Variants in AFG2A observed in about 807,000 individuals in gnomAD.
AFG2A encodes AAA ATPase AFG2A, also known as ATPase family gene 2 protein homolog A.
the AFG2A span, chr4:123,318,250 T>G: frequency 6.6e-6 from 1 of 152,174 alleles, no homozygotes; most frequent in Non-Finnish European, 1.5e-5. Flanking sequence ...AAGAGGAATT[T>G]GTTGCTGAAA....
At chr4:123,244,802 G>A in the AFG2A span, among the ~76,000 whole-genome samples, 2 of 152,046 alleles carry the variant, frequency 1.3e-5, no homozygotes, top group African/African-American at 4.8e-5. Context: ...TATATTTCTT[G>A]TCTGCATGCT....
chr4:123,072,202 A>G, the AFG2A span, among the ~76,000 whole-genome samples: 4 of 152,148 alleles, frequency 2.6e-5, no homozygotes, highest in Non-Finnish European at 1.5e-5. Flanking sequence ...TATTTACCTC[A>G]CAGCACTATT....
At chr4:123,064,356 A>G in the AFG2A span, among the ~76,000 whole-genome samples, 1 of 152,244 alleles carries the variant, frequency 6.6e-6, no homozygotes, top group Non-Finnish European at 1.5e-5. Context: ...TAATAATATT[A>G]GATAACATTC....
At chr4:122,964,844 T>A in the AFG2A span, among the ~76,000 whole-genome samples, 8 of 152,212 alleles carry the variant, frequency 5.3e-5, no homozygotes, top group African/African-American at 1.4e-4. Flanking sequence ...TTTGATTTTT[T>A]AAAAATTTAT....
the AFG2A span, among the ~76,000 whole-genome samples, chr4:123,123,569 A>C: frequency 6.6e-6 from 1 of 152,180 alleles, no homozygotes; most frequent in Non-Finnish European, 1.5e-5. Context: ...CTGCAATAAA[A>C]GTATCATCAC....
chr4:123,040,911 T>G, the AFG2A span, among the ~76,000 whole-genome samples: 1 of 152,132 alleles, frequency 6.6e-6, no homozygotes, highest in South Asian at 2.1e-4. Flanking sequence ...TACAAATAAT[T>G]GATATACTAA....
the AFG2A span, among the ~76,000 whole-genome samples, chr4:123,099,588 T>C: frequency 6.6e-6 from 1 of 151,778 alleles, no homozygotes. Context: ...TGAAGATACA[T>C]TATAAGTCGT....
At chr4:123,105,026 A>G in the AFG2A span, among the ~76,000 whole-genome samples, 1 of 152,250 alleles carries the variant, frequency 6.6e-6, no homozygotes, top group African/African-American at 2.4e-5. Context: ...GCCTTATATT[A>G]GAAGAAGATG....
At chr4:123,303,503 C>T in the AFG2A span, among the ~76,000 whole-genome samples, 5 of 152,136 alleles carry the variant, frequency 3.3e-5, no homozygotes, top group African/African-American at 1.2e-4. Context: ...TGGTGGCTCA[C>T]GCCTATAGTC....
chr4:123,153,432 AGAG>A, the AFG2A span, among the ~76,000 whole-genome samples: 20 of 152,252 alleles, frequency 1.3e-4, no homozygotes, highest in Non-Finnish European at 7.3e-5. Flanking sequence ...CTTGATGGGT[AGAG>A]AAGAAAACTT....
chr4:123,299,712 G>T, the AFG2A span, among the ~76,000 whole-genome samples: 1 of 152,132 alleles, frequency 6.6e-6, no homozygotes, highest in Admixed American at 6.5e-5. Flanking sequence ...AAATGGTGAT[G>T]TAAAGTATAT....
the AFG2A span, among the ~76,000 whole-genome samples, chr4:122,944,267 G>T: frequency 6.6e-6 from 1 of 151,810 alleles, no homozygotes; most frequent in Non-Finnish European, 1.5e-5. Flanking sequence ...TCACTTTCAA[G>T]TACACCAATC....
chr4:123,059,366 A>G, the AFG2A span, among the ~76,000 whole-genome samples: 1 of 127,924 alleles, frequency 7.8e-6, no homozygotes, highest in East Asian at 2.5e-4. Flanking sequence ...ATGTGTTCTC[A>G]TTGTTCAATT....
At chr4:123,078,899 C>T in the AFG2A span, among the ~76,000 whole-genome samples, 1 of 152,200 alleles carries the variant, frequency 6.6e-6, no homozygotes, top group Admixed American at 6.5e-5. Context: ...CTACCTCCGA[C>T]CAGTTCTTTG....
chr4:123,239,297 G>C, the AFG2A span, among the ~76,000 whole-genome samples: 2 of 152,052 alleles, frequency 1.3e-5, no homozygotes, highest in African/African-American at 4.8e-5. Context: ...ACATAGCAAG[G>C]CAGGCCAACA....
At chr4:123,106,072 T>C in the AFG2A span, among the ~76,000 whole-genome samples, 4 of 152,172 alleles carry the variant, frequency 2.6e-5, no homozygotes, top group African/African-American at 4.8e-5. Flanking sequence ...TTGTCTTTTT[T>C]TTTAGAAATT....
the AFG2A span, among the ~76,000 whole-genome samples, chr4:123,021,783 C>T: frequency 1.3e-5 from 2 of 152,176 alleles, no homozygotes; most frequent in Non-Finnish European, 2.9e-5. Context: ...GAGGGGACCT[C>T]TATAATAATG....
the AFG2A span, among the ~76,000 whole-genome samples, chr4:123,170,693 T>A: frequency 6.6e-6 from 1 of 152,218 alleles, no homozygotes; most frequent in African/African-American, 2.4e-5. Context: ...TAGTCTGATT[T>A]ATTAGCATGA....
At chr4:123,134,620 A>T in the AFG2A span, among the ~76,000 whole-genome samples, 3 of 132,414 alleles carry the variant, frequency 2.3e-5, no homozygotes. Context: ...TTTGCAAAGG[A>T]TCATAAGAAA....
Sources: allele counts gnomAD v4.1 joint callset (sites outside exome capture counted in the v4.1 genomes callset), GRCh38; gene constraint gnomAD v4.1.1; transcripts MANE v1.5; gene names NCBI Gene and HGNC (gene_info 2026-07-23, HGNC 2026-07-21).